MOV10L1: variants seen among roughly 807,000 people sequenced by gnomAD.
MOV10L1 encodes Mov10 like RNA helicase 1.
A neutral mutation model predicts 143.8 loss-of-function variants in MOV10L1; 110 were observed. The observed-to-expected ratio is 0.76, with a 90% CI of 0.66 to 0.90. MOV10L1 has a LOEUF of 0.90. Ranked by LOEUF, MOV10L1 falls within the 40% of genes least tolerant of loss-of-function variation. The pLI, the probability that MOV10L1 is intolerant of heterozygous loss-of-function variation, is 0.00. For synonymous variants in MOV10L1, 593 were observed against 581.1 expected (o/e 1.02, Z -0.29); for missense variants, 1,406 against 1,526.8 (o/e 0.92, Z 1.32).
rs566191039 is a variant in MOV10L1, at chr22:50,091,982, C to A, written c.98-19C>A. 1.7e-5 allele frequency: 27 copies of A among 1,606,812 alleles called. No homozygotes were observed. In the East Asian group the frequency reaches 5.6e-4, roughly 33 times the overall value. ...CTTGCTTTTATGGCCAAGATAACTT[C>A]TTTGTTTACCTACCTCAGGTGACAC... is the stretch of plus-strand genomic sequence containing the variant. On this transcript the variant is annotated intron_variant, in intron 1 of 26. Transcript: ENST00000262794.
In MOV10L1 at chr22:50,145,783, C is replaced by A; in HGVS notation, c.2600C>A (p.Ser867Ter). The A allele has an allele frequency of 6.2e-7, 1 of 1,614,096 alleles. No homozygotes were observed. The highest frequency in any genetic ancestry group is 8.5e-7 in the Non-Finnish European group (1 of 1,180,022). The change falls in exon 19 of 27, where the codon TCA becomes TAA. Residue 867 changes from serine (S) to a stop codon, truncating the protein, a stop_gained. Coordinates refer to ENST00000262794, the MANE Select transcript of MOV10L1 (RefSeq NM_018995.3). LOFTEE classifies it high-confidence loss of function. ...ATAATCATCACCACATGCAGCAGCT[C>A]AGGGCTGTTTTACCAAATAGGAGTG... Reference protein sequence around the residue: ...FRIIITTCSSSGLFYQIGVRV... With the variant: ...FRIIITTCSS
At position 50,160,722 on chromosome 22, in the gene MOV10L1, G is replaced by C; in HGVS notation, c.3359G>C (p.Arg1120Pro). ...RSNEDRFEDD[R>P]YFLGFLSNSK... is the part of the protein sequence containing the mutation. ...AATGAAGATAGATTTGAAGATGATC[G>C]ATATTTTTTGGGTTTCTTGTCCAAC... Residue 1120 changes from arginine to proline, a missense_variant, in exon 25 of 27, where the codon CGA becomes CCA. Arg to Pro is a moderately radical substitution (Grantham distance 103). Coordinates refer to ENST00000262794, the MANE Select transcript of MOV10L1 (RefSeq NM_018995.3). 1 of 1,614,070 alleles carries C rather than the reference G, an allele frequency of 6.2e-7. No homozygotes were observed. The highest frequency in any genetic ancestry group is 2.2e-5 in the East Asian group (1 of 44,876).
In MOV10L1 at chr22:50,159,652, A is replaced by T; in HGVS notation, c.3217-26A>T. The stretch of plus-strand genomic sequence containing the variant: ...AATGGATTTGTACAGTGTTATCTTT[A>T]GTCTTTCTTTTAATCTGTTCTCAAG... On this transcript the variant is annotated intron_variant, in intron 23 of 26. Coordinates refer to ENST00000262794, the MANE Select transcript of MOV10L1 (RefSeq NM_018995.3). This position sits in a 1 kb window ranked among gnomAD's most constrained non-coding sequence, Gnocchi z 4.1. 1.4e-6 allele frequency: 2 copies of T among 1,384,736 alleles called. No individual in the cohort carries two copies. The highest frequency in any genetic ancestry group is 2.0e-6 in the Non-Finnish European group (2 of 982,380). The allele number at this position is 1,384,736 out of a possible 1,614,324, so 85.8% of individuals were successfully genotyped here. A position where few individuals can be genotyped will look rare whatever the true frequency, so the allele number is the denominator to read the frequency against.
At chr22:50,147,110 G>A (rs529314381) in intron 19 of MOV10L1, 16 of 1,579,618 alleles carry the variant, frequency 1.0e-5, no homozygotes, top group East Asian at 9.3e-5. Context: ...GGGGCAGAGC[G>A]GGCACTGCAT....
chr22:50,135,264 G>C (rs1200723683), intron 15 of MOV10L1, among the ~76,000 whole-genome samples: 1 of 151,530 alleles, frequency 6.6e-6, no homozygotes, highest in Non-Finnish European at 1.5e-5. Context: ...CACCCTCCTC[G>C]GCCTCCCAAA....
intron 13 of MOV10L1, among the ~76,000 whole-genome samples, chr22:50,132,728 A>T (rs2062711406): frequency 1.3e-5 from 2 of 152,212 alleles, no homozygotes. Flanking sequence ...ATATATAATC[A>T]TTGATTCAAA....
chr22:50,125,015 C>T (rs1173886077), intron 10 of MOV10L1, among the ~76,000 whole-genome samples: 1 of 152,174 alleles, frequency 6.6e-6, no homozygotes, highest in African/African-American at 2.4e-5. Context: ...CCTTGTTAGT[C>T]CACCTTGGCC....
chr22:50,122,413 T>C (rs142325030), intron 10 of MOV10L1, among the ~76,000 whole-genome samples: 1 of 152,394 alleles, frequency 6.6e-6, no homozygotes, highest in African/African-American at 2.4e-5. Flanking sequence ...CCTGCTACTT[T>C]GCTGAATTTA....
At chr22:50,155,520 G>C in intron 22 of MOV10L1, among the ~76,000 whole-genome samples, 1 of 152,072 alleles carries the variant, frequency 6.6e-6, no homozygotes, top group Middle Eastern at 3.4e-3. Flanking sequence ...CTGTCACCCT[G>C]GCTGGAGTGC....
rs2062165739 is a variant in MOV10L1 at position 50,116,075 on chromosome 22, G to C, written c.1259+829G>C. ...GACAGTGCGTGATAGCCTTCCAGCT[G>C]GGTGTCTAATTCTAAATTTTTTGAA... On this transcript the variant is annotated intron_variant, in intron 8 of 26. Transcript: ENST00000262794. 2.0e-5 allele frequency among the ~76,000 whole-genome samples: 3 copies of C among 152,286 alleles called. No homozygotes were observed. The South Asian group carries it at 6.2e-4, about 32-fold the overall frequency.
chr22:50,105,567 A>G (rs1025640277), intron 3 of MOV10L1, among the ~76,000 whole-genome samples: 2 of 152,252 alleles, frequency 1.3e-5, no homozygotes, highest in African/African-American at 4.8e-5. Flanking sequence ...TTCAATAACT[A>G]CAATTTGCAA....
chr22:50,146,454 C>G (rs911897771), intron 19 of MOV10L1, among the ~76,000 whole-genome samples: 5 of 151,994 alleles, frequency 3.3e-5, no homozygotes, highest in African/African-American at 7.3e-5. Context: ...AAGGCACTCT[C>G]AGACCCCAGT....
In MOV10L1 at chr22:50,161,626, C is replaced by T. The variant is rs2063562051; in HGVS notation, c.*177C>T. On this transcript the variant is annotated 3_prime_UTR_variant, in exon 27 of 27. Transcript: ENST00000262794. ...TGCCCTGACTTTGGCATATGCCAGC[C>T]TGTTCCTGCCACAGGGCAGTCACTG... 1.7e-6 allele frequency: 1 copy of T among 590,418 alleles called. No homozygotes were observed. Among genetic ancestry groups the T allele is most frequent in the Admixed American group, 3.2e-5 (1 of 30,822 alleles). 36.6% of individuals were successfully genotyped at this position (590,418 alleles called of 1,614,324 possible). A position where few individuals can be genotyped will look rare whatever the true frequency, so the allele number is the denominator to read the frequency against.
chr22:50,150,797 C>T lies in MOV10L1; in HGVS notation c.2790C>T (p.Ala930=). 1 of 1,614,190 alleles carries T rather than the reference C, an allele frequency of 6.2e-7. No individual in the cohort carries two copies. The highest frequency in any genetic ancestry group is 8.5e-7 in the Non-Finnish European group (1 of 1,180,032). Residue 930 remains alanine, a synonymous_variant, in exon 21 of 27, where the codon GCC becomes GCT. Coordinates refer to ENST00000262794, the MANE Select transcript of MOV10L1 (RefSeq NM_018995.3). ...TCATTAAGTCCAGACTCGCCATGGCCTATGGGCTGAACGTGTCCTTTTTGG... is the reference window on the plus strand; with the variant it reads ...TCATTAAGTCCAGACTCGCCATGGCTTATGGGCTGAACGTGTCCTTTTTGG... ...GPVIKSRLAM[A]YGLNVSFLER...
chr22:50,136,627 G>A (rs557982163), intron 15 of MOV10L1, among the ~76,000 whole-genome samples: 1 of 152,332 alleles, frequency 6.6e-6, no homozygotes, highest in South Asian at 2.1e-4. Context: ...AGCCCAGGCG[G>A]AGTGCAGTGA....
At chr22:50,092,278 C>A in intron 2 of MOV10L1, 93 bp downstream of exon 2, 2 of 1,171,160 alleles carry the variant, frequency 1.7e-6, no homozygotes, top group Non-Finnish European at 2.4e-6. Flanking sequence ...ATGACCCGGC[C>A]AAGGGAGAAA....
Position 50,143,530 on chromosome 22 carries a change from C to T in MOV10L1, c.2358+309C>T, listed in dbSNP as rs114993109. Among the ~76,000 whole-genome samples the T allele has an allele frequency of 3.8e-3, 580 of 152,274 alleles. 3 individuals are homozygous for T. Among genetic ancestry groups the T allele is most frequent in the African/African-American group, 0.014 (562 of 41,558 alleles). ...ACCATTCCACAGAAGTTTTAGATAT[C>T]TTCATTTGTAATTGAAGTTAAGTTT... On this transcript the variant is annotated intron_variant, in intron 17 of 26. Transcript: ENST00000262794.
chr22:50,104,295 G>A (rs537473288), intron 3 of MOV10L1, among the ~76,000 whole-genome samples: 1 of 152,306 alleles, frequency 6.6e-6, no homozygotes, highest in Non-Finnish European at 1.5e-5. Flanking sequence ...GCCACAGTCC[G>A]GTGCCTTCTG....
intron 13 of MOV10L1, among the ~76,000 whole-genome samples, chr22:50,133,454 TAAAA>T (rs138255): frequency 3.1e-5 from 4 of 127,248 alleles, no homozygotes; most frequent in South Asian, 2.5e-4. Context: ...GCAGAGTCTC[TAAAA>T]AAAAAAAAAA....
Sources: gnomAD v4.1 joint callset for allele counts (sites outside exome capture counted in the v4.1 genomes callset) on GRCh38, gnomAD v4.1.1 for gene constraint, Gnocchi (gnomAD v3.1) non-coding constraint, MANE v1.5 for transcripts, NCBI Gene and HGNC (gene_info 2026-07-23, HGNC 2026-07-21) for gene names.